Variants in IFT172 observed in about 807,000 individuals in gnomAD.
IFT172 encodes the protein intraflagellar transport protein 172 homolog.
A neutral mutation model predicts 248.9 loss-of-function variants in IFT172; 164 were observed. That is an observed-to-expected ratio of 0.66 (90% CI 0.58 to 0.75). IFT172 has a LOEUF of 0.75. Among genes scored for constraint, IFT172 ranks in the 30% least tolerant of loss-of-function variants. The probability of loss-of-function intolerance (pLI) is 0.00; values close to 1 mark genes in which losing one functional copy is unlikely to be tolerated. For missense variants in IFT172, 1,950 were observed against 2,192.4 expected (o/e 0.89, Z 2.21); for synonymous variants, 729 against 791.6 (o/e 0.92, Z 1.33).
At chr2:27,474,611 GC>G (rs1667831594) in intron 14 of IFT172, among the ~76,000 whole-genome samples, 1 of 152,094 alleles carries the variant, frequency 6.6e-6, no homozygotes, top group South Asian at 2.1e-4. Context: ...GAGTGCAGTG[GC>G]ACAATCTCAG....
intron 40 of IFT172, 95 bp from the exon 41 acceptor site, chr2:27,448,017 G>A: frequency 1.3e-6 from 1 of 766,688 alleles, no homozygotes. Flanking sequence ...CAGGCTTTGT[G>A]TGTAGAAATG....
rs763372262 is a variant in IFT172, at chr2:27,478,125, C to T, written c.1037G>A (p.Arg346Gln). 2.5e-6 allele frequency: 4 copies of T among 1,614,136 alleles called. No homozygotes were observed. Among genetic ancestry groups the T allele is most frequent in the South Asian group, 1.1e-5 (1 of 91,080 alleles). ...GCCATAGTGTGACTTGAGCACCACT[C>T]GGGTTCCTGATGACAGGTTCTTCAC... The part of the protein sequence containing the change: ...VIVKNLSSGT[R>Q]VVLKSHYGYE... The change falls in exon 11 of 48, where the codon CGA becomes CAA. Residue 346 changes from arginine (R) to glutamine (Q), a missense_variant. By Grantham distance (43) the Arg-to-Gln change is conservative. This residue lies in a region of IFT172 where 1,166 missense variants were observed against 1,254.1 expected (regional missense o/e 0.93). Coordinates refer to ENST00000260570, the MANE Select transcript of IFT172 (RefSeq NM_015662.3).
intron 14 of IFT172, among the ~76,000 whole-genome samples, chr2:27,473,736 GAGA>G (rs1184919278): frequency 2.6e-5 from 4 of 152,192 alleles, no homozygotes; most frequent in Admixed American, 6.5e-5. Flanking sequence ...ATTTTTCTCT[GAGA>G]AGGTCTACGA....
At position 27,473,669 on chromosome 2, in the gene IFT172, G is replaced by A. The variant is rs368274591; in HGVS notation, c.1412-1307C>T. ...AGAATCAGAGTTCTAGAGTGGCGACGGCCCTAACTCCTCAGAACCCTGAAA... is the reference window on the plus strand; with the variant it reads ...AGAATCAGAGTTCTAGAGTGGCGACAGCCCTAACTCCTCAGAACCCTGAAA... On this transcript the variant is annotated intron_variant, in intron 14 of 47. Transcript: ENST00000260570. Among the ~76,000 whole-genome samples, 236 of 151,914 alleles carry A rather than the reference G, an allele frequency of 1.6e-3. 2 individuals carry two copies. The highest frequency in any genetic ancestry group is 3.5e-3 in the African/African-American group (143 of 41,444).
chr2:27,489,724 C>A lies in IFT172; in HGVS notation c.-71G>T. 1.6e-6 allele frequency: 2 copies of A among 1,247,916 alleles called. No homozygotes were observed. Among genetic ancestry groups the A allele is most frequent in the Non-Finnish European group, 2.3e-6 (2 of 861,538 alleles). 77.3% of individuals were successfully genotyped at this position (1,247,916 alleles called of 1,614,324 possible). A position where few individuals can be genotyped will look rare whatever the true frequency, so the allele number is the denominator to read the frequency against. ...GTGGTTACCTGGACAACCCGCCACG[C>A]AGCCGCAGCGACAGGCACTGACGCT... On this transcript the variant is annotated 5_prime_UTR_variant, in exon 1 of 48. Transcript: ENST00000260570.
chr2:27,453,512 C>A lies in IFT172; in HGVS notation c.3823G>T (p.Gly1275Cys), dbSNP rs1178903407. ...EREATKKGAR[G>C]VEGFVEQARH... is the part of the protein sequence containing the mutation. The stretch of plus-strand genomic sequence containing the variant: ...GCTTGTTCCACAAATCCCTCCACAC[C>A]CCTGTGGAGATGAGAGCGCTGGGAC... The change falls in exon 35 of 48, where the codon GGT becomes TGT. Residue 1275 changes from glycine (G) to cysteine (C), a missense_variant and splice_region_variant. Physicochemically the swap from Gly to Cys is radical, Grantham distance 159 (BLOSUM62 -3). Coordinates refer to ENST00000260570, the MANE Select transcript of IFT172 (RefSeq NM_015662.3). The A allele has an allele frequency of 6.2e-7, 1 of 1,613,980 alleles. No homozygotes were observed.
At chr2:27,465,317 C>T (rs1230268145) in intron 18 of IFT172, 94 bp downstream of exon 18, 1 of 1,027,194 alleles carries the variant, frequency 9.7e-7, no homozygotes, top group East Asian at 2.4e-5. Flanking sequence ...GGAGGGAGTA[C>T]CTTAACACCG....
chr2:27,457,472 G>A (rs1338225069), intron 29 of IFT172, among the ~76,000 whole-genome samples, 167 bp downstream of exon 29: 1 of 152,176 alleles, frequency 6.6e-6, no homozygotes, highest in Non-Finnish European at 1.5e-5. Context: ...TCAGGAGGTT[G>A]AGGTGGGAGG....
At chr2:27,489,230 G>C (rs1463658918) in intron 1 of IFT172, among the ~76,000 whole-genome samples, 1 of 152,188 alleles carries the variant, frequency 6.6e-6, no homozygotes, top group Non-Finnish European at 1.5e-5. Context: ...ACACGGTTCG[G>C]TCTTTGCACT....
chr2:27,444,926 G>A, intron 47 of IFT172, 88 bp downstream of exon 47: 2 of 1,414,542 alleles, frequency 1.4e-6, no homozygotes, highest in South Asian at 2.6e-5. Flanking sequence ...TGGGATTAAA[G>A]GTATGAGCCA....
chr2:27,446,043 T>A, intron 43 of IFT172, 55 bp from the exon 44 acceptor site: 1 of 1,599,424 alleles, frequency 6.3e-7, no homozygotes, highest in Non-Finnish European at 8.6e-7. Flanking sequence ...TGAATGCTAC[T>A]TCTCTGGGAT....
intron 16 of IFT172, among the ~76,000 whole-genome samples, chr2:27,467,869 A>T (rs958191575): frequency 9.9e-5 from 15 of 152,172 alleles, no homozygotes; most frequent in African/African-American, 2.9e-4. Flanking sequence ...GATAAATTTT[A>T]AAAATTTATG....
chr2:27,446,672 C>G (rs965767502), intron 42 of IFT172, among the ~76,000 whole-genome samples: 5 of 143,950 alleles, frequency 3.5e-5, no homozygotes, highest in Admixed American at 7.2e-5. Flanking sequence ...CATTACCATG[C>G]CTGGCTAATT....
chr2:27,449,576 CAG>C lies in IFT172; in HGVS notation c.4161-16_4161-15del. ...TAGTCTTCATACCTGTGAAGATGTT[CAG>C]AGAGCTCCATCTTCATGTTCCAGAA... On this transcript the variant is annotated splice_polypyrimidine_tract_variant and intron_variant, in intron 37 of 47. Coordinates refer to ENST00000260570, the MANE Select transcript of IFT172 (RefSeq NM_015662.3). 6.2e-7 allele frequency: 1 copy of C among 1,614,114 alleles called. No homozygotes were observed. The highest frequency in any genetic ancestry group is 2.2e-5 in the East Asian group (1 of 44,888).
intron 19 of IFT172, 144 bp downstream of exon 19, chr2:27,462,953 G>A: frequency 2.6e-6 from 3 of 1,138,538 alleles, no homozygotes; most frequent in Admixed American, 2.2e-5. Context: ...AAGCAATTCT[G>A]AAATGGTCTG....
Position 27,481,149 on chromosome 2 carries a change from T to C in IFT172, c.682A>G (p.Met228Val), listed in dbSNP as rs373455739. Residue 228 changes from methionine to valine, a missense_variant, in exon 8 of 48, where the codon ATG becomes GTG. Transcript: ENST00000260570. ...CGGCTATAATCAAAAGTTTGTAGCA[T>C]GTGACCTTCTTTTCCATAGGCTACA... ...KIVAYGKEGH[M>V]LQTFDYSRDP... 1.9e-6 allele frequency: 3 copies of C among 1,613,862 alleles called. No homozygotes were observed. The highest frequency in any genetic ancestry group is 1.7e-5 in the Admixed American group (1 of 60,022).
chr2:27,478,622 GA>G (rs768610056), intron 10 of IFT172, among the ~76,000 whole-genome samples: 2 of 152,126 alleles, frequency 1.3e-5, no homozygotes, highest in Non-Finnish European at 2.9e-5. Context: ...ATTATTTTTT[GA>G]TATGTCTGTG....
chr2:27,475,450 G>A (rs1361203021), intron 14 of IFT172: 1 of 152,172 alleles, frequency 6.6e-6, no homozygotes, highest in African/African-American at 2.4e-5. Context: ...TGACAGAACT[G>A]GGTATGGATA....
intron 34 of IFT172, 49 bp from the exon 35 acceptor site, chr2:27,453,562 C>A (rs1558364667): frequency 1.2e-6 from 2 of 1,610,670 alleles, no homozygotes; most frequent in Non-Finnish European, 1.7e-6. Flanking sequence ...GGGCAGCATG[C>A]TCTATCCTGT....
Sources: gnomAD v4.1 joint callset for allele counts (sites outside exome capture counted in the v4.1 genomes callset) on GRCh38, gnomAD v4.1.1 for gene constraint, gnomAD v4.1.1 regional missense constraint, MANE v1.5 for transcripts, NCBI Gene and HGNC (gene_info 2026-07-23, HGNC 2026-07-21) for gene names.